Variants in CSMD3 observed in about 807,000 individuals in gnomAD.
CSMD3 encodes the protein CUB and sushi domain-containing protein 3.
Under a neutral mutation model 435.2 loss-of-function variants are expected in CSMD3, and 177 were observed. That is an observed-to-expected ratio of 0.41 (90% CI 0.36 to 0.46). The LOEUF is 0.46. CSMD3 is among the 20% of genes least tolerant of loss of function. The pLI, the probability that CSMD3 is intolerant of heterozygous loss-of-function variation, is 0.34. For synonymous variants in CSMD3, 1,656 were observed against 1,520.5 expected (o/e 1.09, Z -2.07); for missense variants, 4,265 against 4,504.6 (o/e 0.95, Z 1.52).
At chr8:112,694,251 G>T (rs2076203920) in intron 13 of CSMD3, among the ~76,000 whole-genome samples, 1 of 152,062 alleles carries the variant, frequency 6.6e-6, no homozygotes, top group African/African-American at 2.4e-5. Flanking sequence ...AATCATAATG[G>T]CTGTTATGCC....
chr8:112,366,647 C>T lies in CSMD3; in HGVS notation c.6136+13705G>A, dbSNP rs577767923. Among the ~76,000 whole-genome samples the T allele has an allele frequency of 2.0e-5, 3 of 152,314 alleles. No individual in the cohort carries two copies. In the South Asian group the frequency reaches 6.2e-4, roughly 32 times the overall value. Reference sequence around the variant, plus strand: ...TCCTGACCTCAGGTGATTTGCCCGCCTTGGCCTCCCAAAGTGCTGGGATTA... The same window carrying T: ...TCCTGACCTCAGGTGATTTGCCCGCTTTGGCCTCCCAAAGTGCTGGGATTA... On this transcript the variant is annotated intron_variant, in intron 38 of 70. Coordinates refer to ENST00000297405, the MANE Select transcript of CSMD3 (RefSeq NM_198123.2).
intron 3 of CSMD3, among the ~76,000 whole-genome samples, chr8:113,196,910 T>C (rs2092662595): frequency 6.6e-6 from 1 of 151,246 alleles, no homozygotes; most frequent in Admixed American, 6.6e-5. Flanking sequence ...TTTAAAAGTA[T>C]CTCAAGCCCT....
chr8:112,461,059 T>C (rs2130677302), intron 32 of CSMD3, among the ~76,000 whole-genome samples: 1 of 152,238 alleles, frequency 6.6e-6, no homozygotes, highest in Non-Finnish European at 1.5e-5. Context: ...CTTTGTTAAG[T>C]CTAAAGTAGG....
chr8:112,284,415 T>C (rs1216139858), intron 58 of CSMD3, among the ~76,000 whole-genome samples: 1 of 151,882 alleles, frequency 6.6e-6, no homozygotes, highest in African/African-American at 2.4e-5. Flanking sequence ...AACTCTGTCC[T>C]AGTATTATTT....
chr8:113,016,920 G>T (rs1161681006), intron 6 of CSMD3, among the ~76,000 whole-genome samples: 1 of 151,870 alleles, frequency 6.6e-6, no homozygotes, highest in Non-Finnish European at 1.5e-5. Context: ...TCAATTGAAT[G>T]TATGCTGTTG....
chr8:112,680,078 G>A (rs571689245), intron 16 of CSMD3, among the ~76,000 whole-genome samples: 1 of 152,276 alleles, frequency 6.6e-6, no homozygotes, highest in Admixed American at 6.5e-5. Flanking sequence ...GTGGCCGTAG[G>A]GCGTGGTGGC....
chr8:112,719,037 A>G (rs1449255730), intron 13 of CSMD3, among the ~76,000 whole-genome samples: 7 of 152,174 alleles, frequency 4.6e-5, no homozygotes, highest in Non-Finnish European at 2.9e-5. Flanking sequence ...TTATTCTGAT[A>G]TAAGAACAAA....
chr8:112,298,071 A>C (rs1300487361), intron 53 of CSMD3, among the ~76,000 whole-genome samples: 2 of 125,446 alleles, frequency 1.6e-5, no homozygotes, highest in African/African-American at 7.0e-5. Flanking sequence ...TTGCACAAAA[A>C]AAAAAAAAAA....
intron 30 of CSMD3, among the ~76,000 whole-genome samples, chr8:112,494,669 G>C (rs544397453): frequency 1.2e-3 from 176 of 151,902 alleles, no homozygotes; most frequent in Admixed American, 3.9e-3. Context: ...GGCACTCACG[G>C]AAATTACAGT....
At position 112,295,821 on chromosome 8, in the gene CSMD3, A is replaced by G. The variant is rs571664940; in HGVS notation, c.8614+12T>C. 1.9e-6 allele frequency: 3 copies of G among 1,613,430 alleles called. No individual in the cohort carries two copies. Among genetic ancestry groups the G allele is most frequent in the African/African-American group, 1.3e-5 (1 of 75,018 alleles). On this transcript the variant is annotated intron_variant, in intron 54 of 70. Transcript: ENST00000297405. ...TCAGAGGTCTCTAATTGCTTTTGCC[A>G]TGCTTACTTACGCACACAGGATGGG...
intron 40 of CSMD3, among the ~76,000 whole-genome samples, chr8:112,350,023 G>T (rs190480423): frequency 6.6e-6 from 1 of 152,204 alleles, no homozygotes; most frequent in African/African-American, 2.4e-5. Context: ...AAGAGGAAGA[G>T]ACACCAGGAG....
intron 2 of CSMD3, among the ~76,000 whole-genome samples, chr8:113,306,620 T>C (rs1439991454): frequency 2.0e-5 from 3 of 152,126 alleles, no homozygotes; most frequent in African/African-American, 7.2e-5. Flanking sequence ...AAGATTTTAA[T>C]TGTGAGTATT....
intron 6 of CSMD3, among the ~76,000 whole-genome samples, chr8:112,984,259 T>C (rs1157544477): frequency 1.3e-5 from 2 of 151,926 alleles, no homozygotes; most frequent in Non-Finnish European, 2.9e-5. Context: ...TAATTTCCTT[T>C]ACACAAATAC....
intron 1 of CSMD3, among the ~76,000 whole-genome samples, chr8:113,349,776 G>A (rs1166302938): frequency 2.6e-5 from 4 of 151,892 alleles, no homozygotes; most frequent in Non-Finnish European, 4.4e-5. Context: ...CTGCAAAATC[G>A]GTAACTTCCA....
At chr8:112,383,358 A>T (rs907715788) in intron 37 of CSMD3, among the ~76,000 whole-genome samples, 1 of 152,194 alleles carries the variant, frequency 6.6e-6, no homozygotes, top group Non-Finnish European at 1.5e-5. Context: ...TTACACAAAT[A>T]TAGGAAGAAT....
At chr8:113,183,384 GT>G (rs200264828) in intron 3 of CSMD3, among the ~76,000 whole-genome samples, 3 of 151,640 alleles carry the variant, frequency 2.0e-5, no homozygotes, top group Non-Finnish European at 4.4e-5. Context: ...TTGATTCCAG[GT>G]TTTTTTTGGT....
chr8:112,550,433 T>C (rs188504330), intron 27 of CSMD3, among the ~76,000 whole-genome samples: 54 of 152,088 alleles, frequency 3.6e-4, no homozygotes, highest in African/African-American at 1.3e-3. Flanking sequence ...CCACTTTTAC[T>C]TTAAGAATAA....
intron 10 of CSMD3, among the ~76,000 whole-genome samples, chr8:112,916,649 G>C (rs1408893858): frequency 6.6e-6 from 1 of 151,864 alleles, no homozygotes; most frequent in African/African-American, 2.4e-5. Context: ...CCTGCTATAT[G>C]CATTTCTGGC....
chr8:113,348,911 T>C (rs2094170987), intron 1 of CSMD3, among the ~76,000 whole-genome samples: 1 of 152,128 alleles, frequency 6.6e-6, no homozygotes, highest in Non-Finnish European at 1.5e-5. Context: ...TTCTTTCAAA[T>C]AGATGCTTTT....
Sources: gnomAD v4.1 joint callset for allele counts (sites outside exome capture counted in the v4.1 genomes callset) on GRCh38, gnomAD v4.1.1 for gene constraint, MANE v1.5 for transcripts, NCBI Gene and HGNC (gene_info 2026-07-23, HGNC 2026-07-21) for gene names.